SAE1: variants seen among roughly 807,000 people sequenced by gnomAD.
The protein encoded by SAE1 is SUMO-activating enzyme subunit 1.
Under a neutral mutation model 40.6 loss-of-function variants are expected in SAE1, and 11 were observed. The ratio of observed to expected loss-of-function variants is 0.27; its 90% CI spans 0.17 to 0.45. The LOEUF (loss-of-function observed/expected upper bound fraction) is 0.45. Ranked by LOEUF, SAE1 falls within the 20% of genes least tolerant of loss-of-function variation. The pLI is 1.00. For missense variants in SAE1, 373 were observed against 427.3 expected (o/e 0.87, Z 1.12); for synonymous variants, 155 against 154.3 (o/e 1.00, Z -0.03).
At chr19:47,207,429 C>T (rs561948135) in intron 8 of SAE1, among the ~76,000 whole-genome samples, 2 of 152,118 alleles carry the variant, frequency 1.3e-5, no homozygotes, top group Non-Finnish European at 1.5e-5. Flanking sequence ...TCCTGGGAAC[C>T]GTTAAACCCT....
At chr19:47,194,174 C>T (rs987815806) in intron 6 of SAE1, among the ~76,000 whole-genome samples, 4 of 152,196 alleles carry the variant, frequency 2.6e-5, no homozygotes, top group Admixed American at 2.6e-4. Flanking sequence ...ACTCACTCGC[C>T]ATTGGACCTT....
At chr19:47,194,143 C>T (rs1190845307) in intron 6 of SAE1, among the ~76,000 whole-genome samples, 4 of 152,204 alleles carry the variant, frequency 2.6e-5, no homozygotes, top group African/African-American at 4.8e-5. Context: ...ATTGCCTTCA[C>T]AGATGCAGAG....
At chr19:47,197,773 G>A (rs1474061003) in intron 7 of SAE1, among the ~76,000 whole-genome samples, 2 of 152,182 alleles carry the variant, frequency 1.3e-5, no homozygotes, top group African/African-American at 4.8e-5. Context: ...TGAACCAGTT[G>A]CCTGCTCACT....
intron 5 of SAE1, among the ~76,000 whole-genome samples, chr19:47,155,784 T>C (rs1220729686): frequency 7.1e-6 from 1 of 140,766 alleles, no homozygotes; most frequent in Non-Finnish European, 1.5e-5. Context: ...AGTCTTGCTG[T>C]GTCCAGGCTG....
At chr19:47,207,163 C>T (rs1226976151) in intron 8 of SAE1, among the ~76,000 whole-genome samples, 1 of 152,120 alleles carries the variant, frequency 6.6e-6, no homozygotes, top group Non-Finnish European at 1.5e-5. Context: ...ATATCTGGAG[C>T]TGGGGAGACG....
chr19:47,169,187 A>G (rs190489757), intron 5 of SAE1, among the ~76,000 whole-genome samples: 1 of 152,270 alleles, frequency 6.6e-6, no homozygotes, highest in East Asian at 1.9e-4. Context: ...TTAGACTTAC[A>G]TTCTTGCCCC....
chr19:47,137,169 A>G (rs2058185637), intron 1 of SAE1, among the ~76,000 whole-genome samples: 1 of 152,088 alleles, frequency 6.6e-6, no homozygotes, highest in Admixed American at 6.6e-5. Flanking sequence ...TGGGTGGATC[A>G]CCTGAGGTCA....
intron 6 of SAE1, among the ~76,000 whole-genome samples, chr19:47,194,878 G>A (rs1043601805): frequency 3.9e-5 from 6 of 152,048 alleles, no homozygotes; most frequent in Admixed American, 3.3e-4. Context: ...AAGTACCTGG[G>A]ACTACAGGCG....
chr19:47,189,740 T>C (rs2058568055), intron 6 of SAE1, among the ~76,000 whole-genome samples: 1 of 152,136 alleles, frequency 6.6e-6, no homozygotes, highest in Non-Finnish European at 1.5e-5. Flanking sequence ...TGAACTGTTT[T>C]TGGGGGCCAG....
chr19:47,198,647 G>A (rs2058632367), intron 7 of SAE1, among the ~76,000 whole-genome samples: 1 of 152,170 alleles, frequency 6.6e-6, no homozygotes, highest in Non-Finnish European at 1.5e-5. Flanking sequence ...TGCTACCTTG[G>A]TTTCTTATCA....
intron 6 of SAE1, chr19:47,180,072 G>A: frequency 2.4e-6 from 1 of 412,654 alleles, no homozygotes; most frequent in South Asian, 1.7e-5. Flanking sequence ...TGAACTCATG[G>A]TTTCTTATAC....
chr19:47,147,304 T>A (rs1381028288), intron 2 of SAE1, among the ~76,000 whole-genome samples: 1 of 144,080 alleles, frequency 6.9e-6, no homozygotes, highest in Non-Finnish European at 1.5e-5. Flanking sequence ...CTTCCTGGGC[T>A]CAGGGTATTC....
chr19:47,204,783 A>T (rs2058677465), intron 8 of SAE1, among the ~76,000 whole-genome samples: 1 of 152,082 alleles, frequency 6.6e-6, no homozygotes, highest in Admixed American at 6.6e-5. Flanking sequence ...GGTGTGAGCC[A>T]CCGCACCCGG....
At chr19:47,176,440 C>T (rs989929492) in intron 6 of SAE1, among the ~76,000 whole-genome samples, 1 of 152,236 alleles carries the variant, frequency 6.6e-6, no homozygotes, top group Non-Finnish European at 1.5e-5. Context: ...TTTTGTTTCA[C>T]TATTGCCTAA....
intron 6 of SAE1, among the ~76,000 whole-genome samples, chr19:47,176,130 G>A (rs928329203): frequency 3.9e-5 from 6 of 152,300 alleles, no homozygotes; most frequent in African/African-American, 1.4e-4. Flanking sequence ...AACACCGGTT[G>A]GGAACTTGCT....
intron 2 of SAE1, among the ~76,000 whole-genome samples, chr19:47,144,121 G>A (rs1446131236): frequency 6.6e-6 from 1 of 151,924 alleles, no homozygotes; most frequent in Non-Finnish European, 1.5e-5. Flanking sequence ...ATCATCTGAG[G>A]TCAGGAGTTT....
chr19:47,201,329 G>A (rs2123319760), intron 7 of SAE1, among the ~76,000 whole-genome samples: 1 of 137,146 alleles, frequency 7.3e-6, no homozygotes, highest in East Asian at 2.3e-4. Flanking sequence ...TTACAGGCAT[G>A]AGCCACTGCA....
At chr19:47,196,333 C>CTTTTTTTTTTTT (rs61498882) in intron 6 of SAE1, among the ~76,000 whole-genome samples, 4 of 27,888 alleles carry the variant, frequency 1.4e-4, no homozygotes, top group Admixed American at 7.1e-4. Context: ...CCGCGCCTGG[C>CTTTTTTTTTTTT]TTTTTTTTTT....
intron 7 of SAE1, among the ~76,000 whole-genome samples, chr19:47,199,410 AAAAG>A (rs2058638451): frequency 2.0e-5 from 3 of 151,312 alleles, no homozygotes; most frequent in African/African-American, 4.9e-5. Flanking sequence ...AAAAAAAAAA[AAAAG>A]GCAGCAATAG....
Sources: gnomAD v4.1 joint callset for allele counts (sites outside exome capture counted in the v4.1 genomes callset) on GRCh38, gnomAD v4.1.1 for gene constraint, MANE v1.5 for transcripts, NCBI Gene and HGNC (gene_info 2026-07-23, HGNC 2026-07-21) for gene names.